CDH17: variants seen among roughly 807,000 people sequenced by gnomAD.
The protein encoded by CDH17 is cadherin 17, also known as cadherin-17.
Under a neutral mutation model 86.3 loss-of-function variants are expected in CDH17, and 67 were observed. The observed-to-expected ratio is 0.78, with a 90% CI of 0.64 to 0.95. The LOEUF (loss-of-function observed/expected upper bound fraction) is 0.95. Ranked by LOEUF, CDH17 falls within the 40% of genes least tolerant of loss-of-function variation. The pLI is 0.00. For synonymous variants in CDH17, 367 were observed against 366.4 expected, an observed-to-expected ratio of 1.00 and a Z score of -0.02; for missense variants, 993 against 1,017.6, an observed-to-expected ratio of 0.98 and a Z score of 0.33.
At chr8:94,193,988 G>C (rs907466475) in intron 2 of CDH17, among the ~76,000 whole-genome samples, 2 of 150,806 alleles carry the variant, frequency 1.3e-5, no homozygotes, top group African/African-American at 2.4e-5. Context: ...TTATAATCTC[G>C]TTTCATAATG....
chr8:94,194,533 C>T (rs562115088), intron 2 of CDH17, 102 bp downstream of exon 2: 1 of 792,540 alleles, frequency 1.3e-6, no homozygotes. Flanking sequence ...GATAGGTCAT[C>T]TTTTTTTAAG....
intron 2 of CDH17, among the ~76,000 whole-genome samples, chr8:94,189,845 T>G (rs927639035): frequency 6.6e-6 from 1 of 152,252 alleles, no homozygotes; most frequent in African/African-American, 2.4e-5. Context: ...GAATCTGAAT[T>G]TGAACTATAA....
chr8:94,194,739 AC>A, intron 1 of CDH17, 34 bp from the exon 2 acceptor site: 1 of 1,109,800 alleles, frequency 9.0e-7, no homozygotes, highest in Non-Finnish European at 1.4e-6. Flanking sequence ...ATGGTTAGTT[AC>A]CAGTCTGTTA....
intron 15 of CDH17, among the ~76,000 whole-genome samples, chr8:94,133,496 CA>C (rs1478073870): frequency 6.6e-6 from 1 of 152,152 alleles, no homozygotes; most frequent in African/African-American, 2.4e-5. Flanking sequence ...GTAATTTTTG[CA>C]CATTGATTTT....
At chr8:94,214,756 G>C (rs1814170253) in intron 1 of CDH17, among the ~76,000 whole-genome samples, 1 of 152,168 alleles carries the variant, frequency 6.6e-6, no homozygotes, top group African/African-American at 2.4e-5. Flanking sequence ...TCGCGTATCT[G>C]ACAAATGAAC....
chr8:94,170,784 T>A, intron 8 of CDH17, 70 bp downstream of exon 8: 2 of 1,526,708 alleles, frequency 1.3e-6, no homozygotes, highest in Non-Finnish European at 1.8e-6. Flanking sequence ...GTAAAATCCA[T>A]TTTGCTCTCA....
intron 1 of CDH17, chr8:94,197,136 T>G (rs771332235): frequency 5.3e-5 from 8 of 152,186 alleles, no homozygotes; most frequent in Non-Finnish European, 1.2e-4. Flanking sequence ...AAACCTCTGC[T>G]CTTAAACTCA....
intron 15 of CDH17, among the ~76,000 whole-genome samples, chr8:94,139,414 G>A (rs1445512063): frequency 2.0e-5 from 3 of 152,110 alleles, no homozygotes; most frequent in African/African-American, 7.2e-5. Flanking sequence ...TAAGACAATG[G>A]CTAATATTTT....
At chr8:94,204,797 G>A (rs1813993582) in intron 1 of CDH17, among the ~76,000 whole-genome samples, 1 of 152,176 alleles carries the variant, frequency 6.6e-6, no homozygotes, top group Non-Finnish European at 1.5e-5. Context: ...AGCAAGGGAA[G>A]GATCAGCTGG....
At chr8:94,161,045 A>G (rs1358474656) in intron 11 of CDH17, among the ~76,000 whole-genome samples, 1 of 152,170 alleles carries the variant, frequency 6.6e-6, no homozygotes, top group Non-Finnish European at 1.5e-5. Flanking sequence ...AGGTCTCAGA[A>G]GAGAGGACCA....
chr8:94,168,143 T>TATATATATATATATATAC (rs1563576919), intron 9 of CDH17, among the ~76,000 whole-genome samples: 20 of 101,570 alleles, frequency 2.0e-4, no homozygotes, highest in African/African-American at 1.2e-3. Flanking sequence ...TATATATATA[T>TATATATATATATATATAC]ATATATATAT....
intron 15 of CDH17, among the ~76,000 whole-genome samples, chr8:94,136,631 G>T (rs1487963964): frequency 6.6e-6 from 1 of 152,188 alleles, no homozygotes; most frequent in African/African-American, 2.4e-5. Flanking sequence ...ACCTTCTGAA[G>T]CCTGCTTCTG....
At chr8:94,169,585 G>A (rs1228693184) in intron 9 of CDH17, among the ~76,000 whole-genome samples, 1 of 152,178 alleles carries the variant, frequency 6.6e-6, no homozygotes, top group Non-Finnish European at 1.5e-5. Flanking sequence ...TGAAGCTCTA[G>A]AAATGATAGT....
At chr8:94,144,958 C>T (rs1369235731) in intron 15 of CDH17, among the ~76,000 whole-genome samples, 1 of 152,166 alleles carries the variant, frequency 6.6e-6, no homozygotes, top group Non-Finnish European at 1.5e-5. Flanking sequence ...TTATGAGATA[C>T]TACTCCACTC....
upstream of CDH17, among the ~76,000 whole-genome samples, chr8:94,212,239 T>G (rs1003601222): frequency 2.6e-5 from 4 of 152,202 alleles, no homozygotes. Flanking sequence ...CACCGCAGCC[T>G]TGGCCCTTCA....
chr8:94,147,973 C>T (rs533205334), intron 14 of CDH17, among the ~76,000 whole-genome samples: 1 of 152,314 alleles, frequency 6.6e-6, no homozygotes, highest in African/African-American at 2.4e-5. Flanking sequence ...GATTCTCACA[C>T]ACATCAAAGT....
intron 10 of CDH17, among the ~76,000 whole-genome samples, chr8:94,162,649 T>C (rs956748281): frequency 6.6e-5 from 10 of 152,152 alleles, no homozygotes; most frequent in African/African-American, 2.2e-4. Context: ...CTCTCTTCTA[T>C]CTAAATAAGG....
chr8:94,177,110 G>A (rs943560210), intron 4 of CDH17, among the ~76,000 whole-genome samples: 5 of 152,126 alleles, frequency 3.3e-5, no homozygotes, highest in East Asian at 1.9e-4. Context: ...AGATACCAAC[G>A]GTGAAAACTA....
At chr8:94,162,381 T>A (rs533153839) in intron 10 of CDH17, among the ~76,000 whole-genome samples, 36 of 152,130 alleles carry the variant, frequency 2.4e-4, no homozygotes, top group African/African-American at 8.2e-4. Context: ...CTAAGAGAGA[T>A]TTTTCTAGGT....
Sources: allele counts gnomAD v4.1 joint callset (sites outside exome capture counted in the v4.1 genomes callset), GRCh38; gene constraint gnomAD v4.1.1; transcripts MANE v1.5; gene names NCBI Gene and HGNC (gene_info 2026-07-23, HGNC 2026-07-21).